Variants in TSPAN9 observed in about 807,000 individuals in gnomAD.
The protein encoded by TSPAN9 is tetraspanin 9.
Under a neutral mutation model 31.0 loss-of-function variants are expected in TSPAN9, and 16 were observed. The ratio of observed to expected loss-of-function variants is 0.52; its 90% CI spans 0.35 to 0.78. The LOEUF (loss-of-function observed/expected upper bound fraction) is 0.78, where lower values mean the gene tolerates loss of function less well. Among genes scored for constraint, TSPAN9 ranks in the 30% least tolerant of loss-of-function variants. TSPAN9 has a pLI of 0.01. For missense variants in TSPAN9, 272 were observed against 312.5 expected, an observed-to-expected ratio of 0.87 and a Z score of 0.98; for synonymous variants, 145 against 121.6, an observed-to-expected ratio of 1.19 and a Z score of -1.27.
At chr12:3,237,737 G>A (rs1480770957) in intron 3 of TSPAN9, among the ~76,000 whole-genome samples, 1 of 152,098 alleles carries the variant, frequency 6.6e-6, no homozygotes, top group African/African-American at 2.4e-5. Context: ...CAGGCACAGA[G>A]AGGGCAGGGT....
At chr12:3,206,056 C>G (rs369714485) in intron 3 of TSPAN9, among the ~76,000 whole-genome samples, 1 of 152,336 alleles carries the variant, frequency 6.6e-6, no homozygotes, top group East Asian at 1.9e-4. Context: ...GCAGCTCGCT[C>G]TAGCCTGAGG....
chr12:3,138,504 C>G (rs2098333108), intron 2 of TSPAN9, among the ~76,000 whole-genome samples: 1 of 151,802 alleles, frequency 6.6e-6, no homozygotes, highest in Non-Finnish European at 1.5e-5. Flanking sequence ...CGTGCTGTCA[C>G]CCAGGCAGGA....
intron 2 of TSPAN9, among the ~76,000 whole-genome samples, chr12:3,089,668 T>A (rs1362551438): frequency 6.6e-6 from 1 of 152,016 alleles, no homozygotes; most frequent in Non-Finnish European, 1.5e-5. Flanking sequence ...CCCAGCACTC[T>A]GGGGGGCCGA....
chr12:3,153,958 C>G (rs1441340405), intron 2 of TSPAN9, among the ~76,000 whole-genome samples: 2 of 146,150 alleles, frequency 1.4e-5, no homozygotes, highest in Non-Finnish European at 3.0e-5. Flanking sequence ...TTTTAACTTA[C>G]CTAAATAGTA....
chr12:3,246,416 G>A, intron 3 of TSPAN9, among the ~76,000 whole-genome samples: 1 of 152,116 alleles, frequency 6.6e-6, no homozygotes, highest in Non-Finnish European at 1.5e-5. Context: ...TGAGAGCTCT[G>A]CAGCCTTCGC....
At chr12:3,148,082 A>T (rs1286872417) in intron 2 of TSPAN9, among the ~76,000 whole-genome samples, 1 of 152,160 alleles carries the variant, frequency 6.6e-6, no homozygotes. Context: ...TTGAGCAGTG[A>T]TTCCTTTGAA....
chr12:3,106,277 A>G (rs1044366981), intron 2 of TSPAN9, among the ~76,000 whole-genome samples: 1 of 152,220 alleles, frequency 6.6e-6, no homozygotes, highest in Non-Finnish European at 1.5e-5. Flanking sequence ...GGAGTCCCAC[A>G]ATAATGGCTT....
intron 1 of TSPAN9, among the ~76,000 whole-genome samples, chr12:3,080,367 A>G (rs2098297297): frequency 6.6e-6 from 1 of 151,440 alleles, no homozygotes; most frequent in Non-Finnish European, 1.5e-5. Flanking sequence ...ATGGAGTCTC[A>G]CTCTGTCGCC....
At chr12:3,245,017 C>T (rs1039994060) in intron 3 of TSPAN9, among the ~76,000 whole-genome samples, 1 of 152,198 alleles carries the variant, frequency 6.6e-6, no homozygotes, top group African/African-American at 2.4e-5. Context: ...TCCAAGGACT[C>T]TGTAGCAGCC....
In TSPAN9 at chr12:3,081,844, G is replaced by GTGTATATA. The variant is rs57812985; in HGVS notation, c.-84-1808_-84-1807insGTATATAT. ...TGTGTGTGTGTGTGTGTCTGTGTGT[G>GTGTATATA]TATATATATGCCAGGTGTGGTGGTA... is the stretch of plus-strand genomic sequence containing the variant. On this transcript the variant is annotated intron_variant, in intron 1 of 8. Transcript: ENST00000011898. 2.5e-3 allele frequency among the ~76,000 whole-genome samples: 292 copies of GTGTATATA among 116,764 alleles called. 13 individuals are homozygous for GTGTATATA. Among genetic ancestry groups the GTGTATATA allele is most frequent in the African/African-American group, 9.7e-3 (267 of 27,440 alleles). The allele number at this position is 116,764 out of a possible 152,430, so 76.6% of individuals were successfully genotyped here. A position where few individuals can be genotyped will look rare whatever the true frequency, so the allele number is the denominator to read the frequency against.
chr12:3,232,711 C>G (rs1437248683), intron 3 of TSPAN9, among the ~76,000 whole-genome samples: 1 of 152,206 alleles, frequency 6.6e-6, no homozygotes, highest in African/African-American at 2.4e-5. Flanking sequence ...CCAGCCCTCC[C>G]TGTCCTTGGA....
chr12:3,117,736 C>T (rs2098323098), intron 2 of TSPAN9, among the ~76,000 whole-genome samples: 1 of 152,172 alleles, frequency 6.6e-6, no homozygotes, highest in South Asian at 2.1e-4. Flanking sequence ...ATTCTCCTGT[C>T]CATCTGTTCT....
intron 3 of TSPAN9, among the ~76,000 whole-genome samples, chr12:3,219,470 C>G (rs565634204): frequency 6.6e-6 from 1 of 152,172 alleles, no homozygotes; most frequent in Non-Finnish European, 1.5e-5. Context: ...CTGTCCAAGG[C>G]GGACCTTCTG....
chr12:3,105,517 T>C (rs56020880), intron 2 of TSPAN9, among the ~76,000 whole-genome samples: 5,758 of 150,828 alleles, frequency 0.038, 386 homozygotes, highest in African/African-American at 0.13. Flanking sequence ...CCCAGGAGCC[T>C]AGGCCTCTGT....
intron 1 of TSPAN9, among the ~76,000 whole-genome samples, chr12:3,080,083 C>G (rs532691818): frequency 1.3e-5 from 2 of 152,122 alleles, no homozygotes; most frequent in East Asian, 3.9e-4. Flanking sequence ...GCCACCACGC[C>G]CAGCCCCTTT....
At chr12:3,240,071 A>G (rs1591699051) in intron 3 of TSPAN9, among the ~76,000 whole-genome samples, 1 of 151,754 alleles carries the variant, frequency 6.6e-6, no homozygotes, top group Non-Finnish European at 1.5e-5. Context: ...TTAAACATTC[A>G]CAAAAATAAA....
chr12:3,223,677 A>G (rs971000278), intron 3 of TSPAN9, among the ~76,000 whole-genome samples: 3 of 152,184 alleles, frequency 2.0e-5, no homozygotes, highest in African/African-American at 7.2e-5. Context: ...CCTCACCTAT[A>G]AAATGGGAAG....
intron 3 of TSPAN9, chr12:3,206,356 A>G: frequency 2.2e-6 from 1 of 456,016 alleles, no homozygotes; most frequent in South Asian, 1.5e-5. Context: ...GAAGTCGTGG[A>G]ATCGGGAGGT....
At chr12:3,178,069 G>A (rs191350470) in intron 2 of TSPAN9, among the ~76,000 whole-genome samples, 100 of 152,240 alleles carry the variant, frequency 6.6e-4, no homozygotes, top group Middle Eastern at 3.4e-3. Context: ...TTCCTGTGGT[G>A]GTATTGATCA....
Sources: gnomAD v4.1 joint callset for allele counts (sites outside exome capture counted in the v4.1 genomes callset) on GRCh38, gnomAD v4.1.1 for gene constraint, MANE v1.5 for transcripts, NCBI Gene and HGNC (gene_info 2026-07-23, HGNC 2026-07-21) for gene names.